Variants in FREM2 observed in about 807,000 individuals in gnomAD.
The protein encoded by FREM2 is FRAS1-related extracellular matrix protein 2.
In FREM2, 119 loss-of-function variants were observed where a neutral mutation model predicts 219.9. That is an observed-to-expected ratio of 0.54 (90% CI 0.47 to 0.63). FREM2 has a LOEUF of 0.63. FREM2 is among the 30% of genes least tolerant of loss of function. The pLI, the probability that FREM2 is intolerant of heterozygous loss-of-function variation, is 0.00. For missense variants in FREM2, 4,030 were observed against 3,993.6 expected (o/e 1.01, Z -0.25); for synonymous variants, 1,562 against 1,522.8 (o/e 1.03, Z -0.60).
chr13:38,714,501 A>T (rs1317421675), intron 2 of FREM2, among the ~76,000 whole-genome samples: 1 of 152,332 alleles, frequency 6.6e-6, no homozygotes, highest in Non-Finnish European at 1.5e-5. Context: ...ACAAAATTTT[A>T]GATAAGAAGG....
chr13:38,838,286 C>T (rs2137896286), intron 6 of FREM2, among the ~76,000 whole-genome samples: 1 of 152,212 alleles, frequency 6.6e-6, no homozygotes, highest in East Asian at 1.9e-4. Context: ...TGAATATTGG[C>T]CCCCACTCTC....
At chr13:38,708,728 G>A (rs758595293) in intron 2 of FREM2, among the ~76,000 whole-genome samples, 51 of 152,058 alleles carry the variant, frequency 3.4e-4, no homozygotes, top group Admixed American at 1.6e-3. Context: ...CTGTAAATTT[G>A]ATGTTGTCTC....
At chr13:38,834,556 C>A (rs1225393822) in intron 6 of FREM2, among the ~76,000 whole-genome samples, 1 of 152,208 alleles carries the variant, frequency 6.6e-6, no homozygotes, top group Admixed American at 6.5e-5. Flanking sequence ...AACTAATTTA[C>A]ACTTCCACCA....
At chr13:38,726,772 C>T (rs1871543484) in intron 2 of FREM2, among the ~76,000 whole-genome samples, 1 of 152,158 alleles carries the variant, frequency 6.6e-6, no homozygotes, top group African/African-American at 2.4e-5. Context: ...GCCCAAACTG[C>T]TCTTATATGC....
intron 11 of FREM2, 73 bp from the exon 12 acceptor site, chr13:38,856,053 A>AC: frequency 1.9e-6 from 2 of 1,064,088 alleles, no homozygotes; most frequent in Non-Finnish European, 2.7e-6. Context: ...AGTAAAAAAA[A>AC]AAAAAAAAAA....
At chr13:38,876,446 T>TAAAAAA in intron 20 of FREM2, 64 bp downstream of exon 20, 4 of 1,111,532 alleles carry the variant, frequency 3.6e-6, no homozygotes, top group Admixed American at 2.0e-5. Flanking sequence ...CATTTATTAG[T>TAAAAAA]AAAAAAAAAA....
Position 38,884,474 on chromosome 13 carries a change from A to T in FREM2, c.*3687A>T, listed in dbSNP as rs1878660164. The T allele has an allele frequency of 6.6e-6, 1 of 152,202 alleles. No homozygotes were observed. The highest frequency in any genetic ancestry group is 1.5e-5 in the Non-Finnish European group (1 of 68,034). 9.4% of individuals were successfully genotyped at this position (152,202 alleles called of 1,614,324 possible). Reference sequence around the variant, plus strand: ...TGCTTTTTGAAAATACTTATTTAGTATTGACTTGGAAGCCAATTTGGTCCT... The same window carrying T: ...TGCTTTTTGAAAATACTTATTTAGTTTTGACTTGGAAGCCAATTTGGTCCT... On this transcript the variant is annotated 3_prime_UTR_variant, in exon 24 of 24. Transcript: ENST00000280481.
At chr13:38,855,665 T>C (rs1296900474) in intron 11 of FREM2, among the ~76,000 whole-genome samples, 1 of 152,052 alleles carries the variant, frequency 6.6e-6, no homozygotes, top group Non-Finnish European at 1.5e-5. Context: ...CACTCCTAAG[T>C]GGGAGCTAAG....
intron 2 of FREM2, among the ~76,000 whole-genome samples, chr13:38,704,512 G>T (rs142896579): frequency 2.4e-3 from 360 of 152,296 alleles, no homozygotes; most frequent in Non-Finnish European, 4.2e-3. Flanking sequence ...TGTGCAAAGG[G>T]ACTGAGCTTT....
intron 2 of FREM2, among the ~76,000 whole-genome samples, chr13:38,751,862 CTCTGTGTGTG>C (rs1164616535): frequency 1.6e-5 from 1 of 61,026 alleles, no homozygotes; most frequent in Non-Finnish European, 4.5e-5. Flanking sequence ...TTTGTACTTA[CTCTGTGTGTG>C]TGTGTGTGTG....
At chr13:38,806,210 C>G (rs1022402022) in intron 6 of FREM2, among the ~76,000 whole-genome samples, 54 of 151,882 alleles carry the variant, frequency 3.6e-4, no homozygotes, top group African/African-American at 1.2e-3. Context: ...CCCATGAATC[C>G]CAATTTCTAG....
At chr13:38,789,023 A>G (rs1194562940) in intron 6 of FREM2, among the ~76,000 whole-genome samples, 1 of 152,090 alleles carries the variant, frequency 6.6e-6, no homozygotes, top group East Asian at 1.9e-4. Context: ...ATGTAATTTT[A>G]TAAATTGCTG....
chr13:38,722,033 T>C (rs1871291626), intron 2 of FREM2, among the ~76,000 whole-genome samples: 2 of 152,086 alleles, frequency 1.3e-5, no homozygotes, highest in Non-Finnish European at 2.9e-5. Flanking sequence ...TGTTGTTTCT[T>C]TTTAGAGGTA....
At chr13:38,872,300 G>A (rs1878185874) in intron 16 of FREM2, among the ~76,000 whole-genome samples, 1 of 152,162 alleles carries the variant, frequency 6.6e-6, no homozygotes, top group Admixed American at 6.5e-5. Flanking sequence ...GGAGGGATTG[G>A]GGGTGACTGC....
chr13:38,757,884 G>A (rs576446544), intron 2 of FREM2, among the ~76,000 whole-genome samples: 1 of 151,968 alleles, frequency 6.6e-6, no homozygotes. Context: ...CACCACACCC[G>A]GTCCCATTCC....
intron 2 of FREM2, among the ~76,000 whole-genome samples, chr13:38,720,227 A>G (rs1013663570): frequency 2.6e-5 from 4 of 152,076 alleles, no homozygotes; most frequent in African/African-American, 7.2e-5. Context: ...CCTTTTATCT[A>G]TTTTCTGAAT....
chr13:38,724,018 C>T (rs768951454), intron 2 of FREM2, among the ~76,000 whole-genome samples: 3 of 152,184 alleles, frequency 2.0e-5, no homozygotes, highest in African/African-American at 4.8e-5. Context: ...GGGTTCACTA[C>T]AATTCAAATG....
At chr13:38,865,002 C>T (rs934365960) in intron 16 of FREM2, among the ~76,000 whole-genome samples, 3 of 152,248 alleles carry the variant, frequency 2.0e-5, no homozygotes, top group Admixed American at 6.5e-5. Context: ...TGAGGTTTTA[C>T]AATCCTGGGA....
intron 6 of FREM2, among the ~76,000 whole-genome samples, chr13:38,814,417 A>T (rs1314439247): frequency 1.3e-5 from 2 of 152,204 alleles, no homozygotes; most frequent in East Asian, 1.9e-4. Context: ...TAGAGGTAGC[A>T]CCTTGGTGGT....
Sources: gnomAD v4.1 joint callset for allele counts (sites outside exome capture counted in the v4.1 genomes callset) on GRCh38, gnomAD v4.1.1 for gene constraint, MANE v1.5 for transcripts, NCBI Gene and HGNC (gene_info 2026-07-23, HGNC 2026-07-21) for gene names.